The following KLRG1 variants were observed in gnomAD, a reference collection of about 807,000 sequenced individuals.
KLRG1 encodes the protein killer cell lectin-like receptor subfamily G member 1.
Under a neutral mutation model 21.8 loss-of-function variants are expected in KLRG1, and 16 were observed. The ratio of observed to expected loss-of-function variants is 0.73; its 90% CI spans 0.50 to 1.11. The LOEUF (loss-of-function observed/expected upper bound fraction) is 1.11. Among genes scored for constraint, KLRG1 ranks in the 50% most tolerant of loss-of-function variants. The pLI is 0.00. For synonymous variants in KLRG1, 69 were observed against 75.9 expected, an observed-to-expected ratio of 0.91 and a Z score of 0.47; for missense variants, 173 against 218.3, an observed-to-expected ratio of 0.79 and a Z score of 1.31.
the KLRG1 span, among the ~76,000 whole-genome samples, chr12:9,029,652 A>AT: frequency 6.6e-6 from 1 of 151,814 alleles, no homozygotes; most frequent in African/African-American, 2.4e-5. Context: ...CAAAACTGTC[A>AT]TTTTTTCCCC....
chr12:9,164,077 C>T, the KLRG1 span: 2 of 1,535,046 alleles, frequency 1.3e-6, no homozygotes, highest in Non-Finnish European at 1.8e-6. Context: ...GAAAAAAGTA[C>T]TCAGACAGCC....
At chr12:9,109,423 AG>A in the KLRG1 span, 94 of 1,598,382 alleles carry the variant, frequency 5.9e-5, no homozygotes, top group Admixed American at 7.0e-4. Flanking sequence ...TTGGTGATAA[AG>A]AAGGTTGGTG....
the KLRG1 span, among the ~76,000 whole-genome samples, chr12:9,197,497 A>C: frequency 1.6e-5 from 2 of 128,856 alleles, no homozygotes; most frequent in South Asian, 4.3e-4. Context: ...TATTATATAT[A>C]AATATATTAT....
At chr12:9,093,653 C>G in the KLRG1 span, 3 of 751,118 alleles carry the variant, frequency 4.0e-6, no homozygotes, top group African/African-American at 3.8e-5. Context: ...ATAGTTGCCA[C>G]CAAAAAAAAA....
At chr12:9,147,703 C>T in the KLRG1 span, among the ~76,000 whole-genome samples, 1 of 152,164 alleles carries the variant, frequency 6.6e-6, no homozygotes, top group South Asian at 2.1e-4. Flanking sequence ...CTTTCATCAG[C>T]CAGTTTCTTA....
chr12:9,099,269 T>C, the KLRG1 span: 18 of 987,732 alleles, frequency 1.8e-5, no homozygotes, highest in Middle Eastern at 4.2e-4. Context: ...TGAATGTCTC[T>C]GGGGAATTTG....
chr12:9,023,322 A>G, the KLRG1 span, among the ~76,000 whole-genome samples: 1 of 152,046 alleles, frequency 6.6e-6, no homozygotes, highest in African/African-American at 2.4e-5. Context: ...GTGGGGAAAA[A>G]TCCCTACACA....
intron 1 of KLRG1, among the ~76,000 whole-genome samples, chr12:8,978,455 C>T (rs1946692802): frequency 1.3e-5 from 2 of 152,192 alleles, no homozygotes; most frequent in African/African-American, 4.8e-5. Context: ...GAATTACAGA[C>T]ATGAACCACT....
the KLRG1 span, among the ~76,000 whole-genome samples, chr12:9,159,340 GT>G: frequency 2.0e-5 from 3 of 152,104 alleles, no homozygotes; most frequent in Admixed American, 2.0e-4. Flanking sequence ...CACTGAATAT[GT>G]TTTCTCCTCT....
intron 1 of KLRG1, among the ~76,000 whole-genome samples, chr12:8,955,683 A>G (rs1946280283): frequency 1.3e-5 from 2 of 151,906 alleles, no homozygotes; most frequent in African/African-American, 4.8e-5. Context: ...TGAGCCATCA[A>G]GCCTGGTCTT....
At chr12:9,192,739 C>T in the KLRG1 span, 2 of 1,588,636 alleles carry the variant, frequency 1.3e-6, no homozygotes, top group Non-Finnish European at 1.7e-6. Flanking sequence ...ACAGTGAAAA[C>T]CTGAGTAAAC....
the KLRG1 span, chr12:9,066,525 C>G: frequency 6.6e-6 from 1 of 152,366 alleles, no homozygotes; most frequent in Non-Finnish European, 1.5e-5. Flanking sequence ...CCCCTCTGCT[C>G]CACCCGTCTC....
At chr12:9,210,105 T>C in the KLRG1 span, among the ~76,000 whole-genome samples, 2 of 152,138 alleles carry the variant, frequency 1.3e-5, no homozygotes, top group East Asian at 1.9e-4. Context: ...TATATATGTA[T>C]GTACATCTTG....
the KLRG1 span, among the ~76,000 whole-genome samples, chr12:9,025,452 C>T: frequency 1.3e-5 from 2 of 152,138 alleles, no homozygotes; most frequent in African/African-American, 4.8e-5. Context: ...GTCTGGCCAA[C>T]ATGGTGAAAC....
chr12:9,074,730 A>T, the KLRG1 span: 1 of 1,613,944 alleles, frequency 6.2e-7, no homozygotes, highest in Non-Finnish European at 8.5e-7. Flanking sequence ...GGTTCGTAAA[A>T]ATGCCCCACT....
chr12:9,177,577 A>AC, the KLRG1 span, among the ~76,000 whole-genome samples: 11 of 152,178 alleles, frequency 7.2e-5, no homozygotes. Context: ...TAACGCAAAC[A>AC]CCCTTTCTAC....
chr12:9,089,627 G>A, the KLRG1 span, among the ~76,000 whole-genome samples: 7 of 152,086 alleles, frequency 4.6e-5, no homozygotes, highest in Admixed American at 4.6e-4. Context: ...TGTAATCCCA[G>A]CTACTCAGGA....
chr12:9,195,611 ATTTTT>A, the KLRG1 span, among the ~76,000 whole-genome samples: 1 of 104,248 alleles, frequency 9.6e-6, no homozygotes, highest in Non-Finnish European at 1.9e-5. Flanking sequence ...CCCACTGCTA[ATTTTT>A]TTTTTTTTTT....
chr12:8,955,375 ATTTTTTTTTTTTTTTTTTTTTTTT>A (rs61263683), intron 1 of KLRG1, among the ~76,000 whole-genome samples: 2 of 71,300 alleles, frequency 2.8e-5, no homozygotes, highest in Admixed American at 1.7e-4. Flanking sequence ...TATTGCTCTG[ATTTTTTTTTTTTTTTTTTTTTTTT>A]TTTTTTTTTT....
Sources: allele counts gnomAD v4.1 joint callset (sites outside exome capture counted in the v4.1 genomes callset), GRCh38; gene constraint gnomAD v4.1.1; transcripts MANE v1.5; gene names NCBI Gene and HGNC (gene_info 2026-07-23, HGNC 2026-07-21).